The following TBC1D5 variants were observed in gnomAD, a reference collection of about 807,000 sequenced individuals.
TBC1D5 encodes the protein TBC1 domain family member 5.
In TBC1D5, 75 loss-of-function variants were observed where a neutral mutation model predicts 100.3. That is an observed-to-expected ratio of 0.75 (90% confidence interval 0.62 to 0.91). The LOEUF (loss-of-function observed/expected upper bound fraction) is 0.91. Ranked by LOEUF, TBC1D5 falls within the 40% of genes least tolerant of loss-of-function variation. The pLI, the probability that TBC1D5 is intolerant of heterozygous loss-of-function variation, is 0.00. For missense variants in TBC1D5, 910 were observed against 942.4 expected, an observed-to-expected ratio of 0.97 and a Z score of 0.45; for synonymous variants, 323 against 325.6, an observed-to-expected ratio of 0.99 and a Z score of 0.09.
intron 5 of TBC1D5, 88 bp downstream of exon 5, chr3:17,406,330 G>A (rs2093768558): frequency 8.7e-7 from 1 of 1,148,230 alleles, no homozygotes; most frequent in African/African-American, 1.6e-5. Flanking sequence ...AAAATTCAGT[G>A]ATCCCCTGCA....
intron 15 of TBC1D5, among the ~76,000 whole-genome samples, chr3:17,268,647 A>T (rs1442700490): frequency 6.6e-6 from 1 of 152,060 alleles, no homozygotes; most frequent in Admixed American, 6.6e-5. Context: ...TGTGAGTGTT[A>T]TTAGTGACAA....
chr3:17,326,610 C>G (rs1003582847), intron 13 of TBC1D5, among the ~76,000 whole-genome samples: 1 of 152,098 alleles, frequency 6.6e-6, no homozygotes, highest in Non-Finnish European at 1.5e-5. Flanking sequence ...GTAGCTGAGA[C>G]CACAGGTATT....
chr3:17,401,997 T>G (rs947546139), intron 8 of TBC1D5, among the ~76,000 whole-genome samples: 1 of 151,994 alleles, frequency 6.6e-6, no homozygotes, highest in Admixed American at 6.6e-5. Flanking sequence ...CCTCTGAGAG[T>G]AGCTTCCCTA....
chr3:17,234,844 G>C (rs1443656831), intron 17 of TBC1D5, among the ~76,000 whole-genome samples: 1 of 152,054 alleles, frequency 6.6e-6, no homozygotes, highest in Non-Finnish European at 1.5e-5. Flanking sequence ...AGCTAATCCG[G>C]AAACTGTTAA....
intron 1 of TBC1D5, among the ~76,000 whole-genome samples, chr3:17,667,948 T>C (rs2067469212): frequency 6.6e-6 from 1 of 151,826 alleles, no homozygotes; most frequent in Non-Finnish European, 1.5e-5. Flanking sequence ...ACGCATTTAA[T>C]AAAACCATAA....
At chr3:17,564,051 G>A (rs1248031291) in intron 2 of TBC1D5, among the ~76,000 whole-genome samples, 1 of 152,128 alleles carries the variant, frequency 6.6e-6, no homozygotes, top group South Asian at 2.1e-4. Flanking sequence ...CAAAGTGCTG[G>A]GATTACAGGC....
intron 2 of TBC1D5, among the ~76,000 whole-genome samples, chr3:17,616,491 T>A (rs982585215): frequency 2.6e-5 from 4 of 152,186 alleles, no homozygotes; most frequent in Non-Finnish European, 5.9e-5. Context: ...AGTGGAATGT[T>A]AAAGTCTCCC....
intron 5 of TBC1D5, 42 bp downstream of exon 5, chr3:17,406,376 T>C: frequency 6.4e-7 from 1 of 1,564,328 alleles, no homozygotes; most frequent in Non-Finnish European, 8.7e-7. Context: ...AATGTGTTGA[T>C]ATATTGCAAC....
At chr3:17,625,698 T>C (rs1030057170) in intron 1 of TBC1D5, among the ~76,000 whole-genome samples, 3 of 152,132 alleles carry the variant, frequency 2.0e-5, no homozygotes, top group Admixed American at 6.6e-5. Flanking sequence ...TAACTTTCTA[T>C]GGTTATTACA....
rs33956978 is a variant in TBC1D5, at chr3:17,602,561, A to ATTTTTTTTTTTTT, written c.-36+21275_-36+21287dup. Reference sequence around the variant, plus strand: ...TTATGCCATAATACGAGAGAATCAGATTTTTTTTTTTTTTTTTTTTTTTTT... The same window carrying ATTTTTTTTTTTTT: ...TTATGCCATAATACGAGAGAATCAGATTTTTTTTTTTTTTTTTTTTTTTTTTTTTTTTTTTTTT... On this transcript the variant is annotated intron_variant, in intron 2 of 21. Transcript: ENST00000253692. Among the ~76,000 whole-genome samples the ATTTTTTTTTTTTT allele has an allele frequency of 1.7e-3, 125 of 74,512 alleles. 10 individuals carry two copies. The highest frequency in any genetic ancestry group is 2.5e-3 in the Non-Finnish European group (101 of 40,408). The allele number at this position is 74,512 out of a possible 152,430, so 48.9% of individuals were successfully genotyped here. A position where few individuals can be genotyped will look rare whatever the true frequency, so the allele number is the denominator to read the frequency against.
chr3:17,408,268 AACACAC>A (rs3041146), intron 4 of TBC1D5, among the ~76,000 whole-genome samples: 6,846 of 144,034 alleles, frequency 0.048, 277 homozygotes, highest in East Asian at 0.14. Context: ...AAGACTATCC[AACACAC>A]ACACACACAC....
In TBC1D5 at chr3:17,540,808, G is replaced by A. The variant is rs112954226; in HGVS notation, c.-35-32203C>T. 3.6e-3 allele frequency among the ~76,000 whole-genome samples: 533 copies of A among 149,772 alleles called. 3 individuals are homozygous for A. Among genetic ancestry groups the A allele is most frequent in the African/African-American group, 0.012 (501 of 40,736 alleles). On this transcript the variant is annotated intron_variant, in intron 2 of 21. Transcript: ENST00000253692. ...TGTAATCCCAACTGCTGGGGAAGCT[G>A]AGGCAGGAGAATCGCTTGAACCCAG...
intron 15 of TBC1D5, among the ~76,000 whole-genome samples, chr3:17,280,396 G>A (rs547751976): frequency 2.0e-5 from 3 of 152,026 alleles, no homozygotes; most frequent in African/African-American, 4.8e-5. Flanking sequence ...CTGTTTTCCC[G>A]CTGGAAAGTT....
chr3:17,704,646 G>A (rs1156407727), intron 1 of TBC1D5, among the ~76,000 whole-genome samples: 2 of 71,614 alleles, frequency 2.8e-5, no homozygotes, highest in African/African-American at 4.8e-5. Flanking sequence ...GGCCAGGCGG[G>A]GGGCCGACCC....
At chr3:17,380,797 T>G (rs1448674530) in intron 9 of TBC1D5, among the ~76,000 whole-genome samples, 1 of 152,094 alleles carries the variant, frequency 6.6e-6, no homozygotes, top group Non-Finnish European at 1.5e-5. Flanking sequence ...CAGTCAAAGT[T>G]CATTAATACC....
intron 15 of TBC1D5, among the ~76,000 whole-genome samples, chr3:17,282,211 G>C (rs758444805): frequency 2.0e-5 from 3 of 152,158 alleles, no homozygotes; most frequent in South Asian, 2.1e-4. Flanking sequence ...ATAGCAAGTC[G>C]GCGGTAAAGG....
At chr3:17,352,796 T>A (rs1421865960) in intron 13 of TBC1D5, among the ~76,000 whole-genome samples, 2 of 151,914 alleles carry the variant, frequency 1.3e-5, no homozygotes, top group Non-Finnish European at 2.9e-5. Context: ...ACTCCTGTTT[T>A]CCAGAAATAT....
At chr3:17,698,951 T>C (rs1577581167) in intron 1 of TBC1D5, among the ~76,000 whole-genome samples, 1 of 144,836 alleles carries the variant, frequency 6.9e-6, no homozygotes, top group East Asian at 2.2e-4. Flanking sequence ...GGTGGGACTG[T>C]AAACTAGTTC....
chr3:17,634,647 TG>T (rs2063760430), intron 1 of TBC1D5, among the ~76,000 whole-genome samples: 1 of 139,514 alleles, frequency 7.2e-6, no homozygotes, highest in Non-Finnish European at 1.6e-5. Context: ...AAAAAAAAAG[TG>T]AATAAGACTA....
Sources: gnomAD v4.1 joint callset for allele counts (sites outside exome capture counted in the v4.1 genomes callset) on GRCh38, gnomAD v4.1.1 for gene constraint, MANE v1.5 for transcripts, NCBI Gene and HGNC (gene_info 2026-07-23, HGNC 2026-07-21) for gene names.